Variants in RNF213 observed in about 807,000 individuals in gnomAD.
The protein encoded by RNF213 is ring finger protein 213.
In RNF213, 341 loss-of-function variants were observed where a neutral mutation model predicts 514.4. That is an observed-to-expected ratio of 0.66 (90% CI 0.61 to 0.73). The LOEUF is 0.73. RNF213 is among the 30% of genes least tolerant of loss of function. RNF213 has a pLI of 0.00. For missense variants in RNF213, 5,767 were observed against 6,615.6 expected, an observed-to-expected ratio of 0.87 and a Z score of 4.45; for synonymous variants, 2,655 against 2,658.2, an observed-to-expected ratio of 1.00 and a Z score of 0.04.
rs376060852 is a variant in RNF213, at chr17:80,370,985, T to C, written c.12426-889T>C. On this transcript the variant is annotated intron_variant, in intron 46 of 67. Coordinates refer to ENST00000582970, the MANE Select transcript of RNF213 (RefSeq NM_001256071.3). ...ATACTTAAAGACATTTTGGGGCAAT[T>C]TGTGGTGATATTAATGAATATGGAT... Among the ~76,000 whole-genome samples, 22 of 151,060 alleles carry C rather than the reference T, an allele frequency of 1.5e-4. No homozygotes were observed. The East Asian group carries it at 1.9e-3, about 13-fold the overall frequency.
In RNF213 at chr17:80,342,825, T is replaced by G. The variant is rs143251369; in HGVS notation, c.5990-307T>G. Among the ~76,000 whole-genome samples the G allele has an allele frequency of 4.2e-4, 63 of 150,852 alleles. 1 individual carries two copies. The East Asian group carries it at 0.012, about 28-fold the overall frequency. On this transcript the variant is annotated intron_variant, in intron 26 of 67. Coordinates refer to ENST00000582970, the MANE Select transcript of RNF213 (RefSeq NM_001256071.3). ...CACCCTAACGATGACAACTGCACCC[T>G]AAGGGATGTCTTAAGGGATGCCCAG...
chr17:80,361,835 T>C lies in RNF213; in HGVS notation c.11302T>C (p.Leu3768=), dbSNP rs1053972355. 1.7e-5 allele frequency: 27 copies of C among 1,613,826 alleles called. No individual in the cohort carries two copies. Among genetic ancestry groups the C allele is most frequent in the Middle Eastern group, 1.6e-4 (1 of 6,084 alleles). The change falls in exon 39 of 68, where the codon TTG becomes CTG. Residue 3768 remains leucine (L), a synonymous_variant. Coordinates refer to ENST00000582970, the MANE Select transcript of RNF213 (RefSeq NM_001256071.3). ...GCAGCAGGAACTTCTTCAGTGTTAC[T>C]TGAAGGATTTCATTCTCTTGACCAT... ...EPQQELLQCY[L]KDFILLTMRV...
chr17:80,363,437 CTG>C (rs1485781692), intron 40 of RNF213, 123 bp downstream of exon 40: 1 of 1,216,360 alleles, frequency 8.2e-7, no homozygotes, highest in Non-Finnish European at 1.2e-6. Context: ...CATACCTTAG[CTG>C]AATTCAGAGA....
intron 14 of RNF213, among the ~76,000 whole-genome samples, chr17:80,310,174 C>T (rs1002636989): frequency 1.3e-5 from 2 of 152,138 alleles, no homozygotes; most frequent in African/African-American, 4.8e-5. Context: ...CCTTCTTTCC[C>T]GTCTCTGTGC....
In RNF213 at chr17:80,364,502, C is replaced by T. The variant is rs144664526; in HGVS notation, c.11820C>T (p.Arg3940=). The change falls in exon 42 of 68, where the codon CGC becomes CGT. Residue 3940 remains arginine (R), a synonymous_variant. Transcript: ENST00000582970. ...VEHVLLGTES[R]VPELQGLVTE... ...ACGTGCTCCTAGGAACCGAGAGCCG[C>T]GTCCCCGAGTTACAGGGGCTGGTGA... The T allele has an allele frequency of 1.3e-3, 2,142 of 1,614,156 alleles. 31 individuals carry two copies. The South Asian group carries it at 0.014, about 11-fold the overall frequency.
chr17:80,341,215 AG>A (rs2078147204), intron 26 of RNF213: 1 of 152,358 alleles, frequency 6.6e-6, no homozygotes, highest in South Asian at 2.1e-4. Flanking sequence ...CTGGGATTAC[AG>A]GTGTGAGCCA....
chr17:80,279,993 C>T (rs11658289), intron 3 of RNF213, among the ~76,000 whole-genome samples: 26 of 152,300 alleles, frequency 1.7e-4, no homozygotes, highest in African/African-American at 5.1e-4. Flanking sequence ...CCCTGCCCAT[C>T]GAGATGGTCA....
At chr17:80,309,616 CA>C (rs1288252863) in intron 14 of RNF213, among the ~76,000 whole-genome samples, 2 of 152,180 alleles carry the variant, frequency 1.3e-5, no homozygotes, top group Admixed American at 1.3e-4. Flanking sequence ...AGCTTGAATA[CA>C]GTAACAAAGG....
chr17:80,359,016 C>T (rs947652907), intron 37 of RNF213, among the ~76,000 whole-genome samples: 3 of 152,192 alleles, frequency 2.0e-5, no homozygotes, highest in Non-Finnish European at 2.9e-5. Flanking sequence ...CCCAGCATGG[C>T]GTGACACGGA....
At chr17:80,364,672 G>A (rs1364995539) in intron 42 of RNF213, 119 bp downstream of exon 42, 5 of 1,230,978 alleles carry the variant, frequency 4.1e-6, no homozygotes, top group Non-Finnish European at 4.7e-6. Flanking sequence ...GTTTTGTCTA[G>A]ACATGCAAAG....
At chr17:80,290,157 C>A (rs552429331) in intron 6 of RNF213, among the ~76,000 whole-genome samples, 2 of 152,206 alleles carry the variant, frequency 1.3e-5, no homozygotes. Flanking sequence ...CAGGGAGTGG[C>A]CACCTCTTCT....
chr17:80,289,316 G>T (rs1182133861), intron 5 of RNF213, among the ~76,000 whole-genome samples: 3 of 152,324 alleles, frequency 2.0e-5, no homozygotes, highest in Non-Finnish European at 2.9e-5. Flanking sequence ...TGGGCCAGGC[G>T]CGGTAGCTCA....
chr17:80,278,768 C>T, intron 3 of RNF213: 2 of 1,537,166 alleles, frequency 1.3e-6, no homozygotes, highest in Non-Finnish European at 1.7e-6. Context: ...CAACAGGGAG[C>T]TACATCAGAG....
At chr17:80,273,138 A>G in intron 2 of RNF213, 103 bp from the exon 3 acceptor site, 1 of 1,474,752 alleles carries the variant, frequency 6.8e-7, no homozygotes, top group South Asian at 1.1e-5. Flanking sequence ...CGGAGGGAGA[A>G]CAGGGTGAAT....
rs1244427568 is a variant in RNF213 at position 80,288,276 on chromosome 17, C to T, written c.723C>T (p.Leu241=). The change falls in exon 4 of 68, where the codon CTC becomes CTT. Residue 241 remains leucine (L), a synonymous_variant. Coordinates refer to ENST00000582970, the MANE Select transcript of RNF213 (RefSeq NM_001256071.3). The surrounding 1 kb of genome is among the most constrained non-coding windows in gnomAD (Gnocchi z 4.9). Reference sequence around the variant, plus strand: ...GGACTGAAGATGCTGCCCAGGAGCTCCTGTTGCCTGAGTCAAAAGGAGGCA... The same window carrying T: ...GGACTGAAGATGCTGCCCAGGAGCTTCTGTTGCCTGAGTCAAAAGGAGGCA... ...HSRTEDAAQE[L]LLPESKGGSS... 3 of 1,613,202 alleles carry T rather than the reference C, an allele frequency of 1.9e-6. No individual in the cohort carries two copies. Among genetic ancestry groups the T allele is most frequent in the African/African-American group, 1.3e-5 (1 of 75,064 alleles).
At chr17:80,337,495 C>A in intron 23 of RNF213, 91 bp from the exon 24 acceptor site, 1 of 1,475,774 alleles carries the variant, frequency 6.8e-7, no homozygotes. Flanking sequence ...GGCTCTGCAG[C>A]GAGGCAGAGG....
intron 54 of RNF213, chr17:80,379,397 TCTCA>T: frequency 1.7e-6 from 1 of 573,728 alleles, no homozygotes; most frequent in African/African-American, 1.9e-5. Context: ...GCTTAAATTG[TCTCA>T]CTTATTTAAA....
At chr17:80,306,679 G>A (rs1162847363) in intron 12 of RNF213, among the ~76,000 whole-genome samples, 1 of 151,958 alleles carries the variant, frequency 6.6e-6, no homozygotes, top group East Asian at 1.9e-4. Context: ...GTGAAACCCC[G>A]TCTCTACTAA....
intron 31 of RNF213, among the ~76,000 whole-genome samples, chr17:80,351,446 G>A (rs1182041950): frequency 2.6e-5 from 4 of 152,212 alleles, no homozygotes; most frequent in Non-Finnish European, 5.9e-5. Context: ...AGAGGACACA[G>A]GAATGGGGAA....
Sources: allele counts gnomAD v4.1 joint callset (sites outside exome capture counted in the v4.1 genomes callset), GRCh38; gene constraint gnomAD v4.1.1; non-coding constraint Gnocchi (gnomAD v3.1); transcripts MANE v1.5; gene names NCBI Gene and HGNC (gene_info 2026-07-23, HGNC 2026-07-21).